Variants in YWHAE observed in about 807,000 individuals in gnomAD.
YWHAE encodes the protein 14-3-3 protein epsilon.
YWHAE carries 4 observed loss-of-function variants against 30.1 expected under a neutral mutation model. The ratio of observed to expected loss-of-function variants is 0.13; its 90% CI spans 0.07 to 0.30. YWHAE has a LOEUF of 0.30. YWHAE is among the 10% of genes least tolerant of loss of function. The probability of loss-of-function intolerance (pLI) is 1.00; values close to 1 mark genes in which losing one functional copy is unlikely to be tolerated. For missense variants in YWHAE, 121 were observed against 315.9 expected (o/e 0.38, Z 4.68); for synonymous variants, 118 against 111.8 (o/e 1.06, Z -0.35).
chr17:1,364,655 T>C (rs1408033364), intron 2 of YWHAE: 4 of 632,808 alleles, frequency 6.3e-6, no homozygotes, highest in Non-Finnish European at 1.1e-5. Flanking sequence ...CCAAACCTGA[T>C]ACAGACTATG....
intron 4 of YWHAE, among the ~76,000 whole-genome samples, chr17:1,354,964 GTTTTTTTTTTTTTTTTTTTTT>G (rs56351171): frequency 1.3e-5 from 1 of 74,716 alleles, no homozygotes; most frequent in African/African-American, 4.0e-5. Flanking sequence ...GCCCAGCCTA[GTTTTTTTTTTTTTTTTTTTTT>G]TTTTTTTTTT....
intron 1 of YWHAE, among the ~76,000 whole-genome samples, chr17:1,370,591 C>T (rs1405422049): frequency 1.3e-5 from 2 of 151,928 alleles, no homozygotes; most frequent in East Asian, 1.9e-4. Context: ...CCACCACGCC[C>T]GGCTAACTTT....
chr17:1,347,984 A>T, intron 5 of YWHAE: 1 of 1,012,098 alleles, frequency 9.9e-7, no homozygotes, highest in Non-Finnish European at 1.2e-6. Context: ...TTAGGAAAGG[A>T]AGAGTTGGGT....
intron 1 of YWHAE, among the ~76,000 whole-genome samples, chr17:1,388,789 T>C (rs1239895130): frequency 6.6e-6 from 1 of 152,192 alleles, no homozygotes; most frequent in Non-Finnish European, 1.5e-5. Flanking sequence ...AAGTATTTCA[T>C]ACTCATGAAT....
chr17:1,396,564 A>G (rs950443719), intron 1 of YWHAE, among the ~76,000 whole-genome samples: 11 of 152,298 alleles, frequency 7.2e-5, no homozygotes, highest in Admixed American at 3.9e-4. Flanking sequence ...CAAAACCAAC[A>G]ACAGCCCCAC....
chr17:1,352,314 C>T (rs1439123103), intron 5 of YWHAE: 1 of 152,228 alleles, frequency 6.6e-6, no homozygotes, highest in East Asian at 1.9e-4. Context: ...AAAGCTGAGT[C>T]ACCTAATTCT....
intron 5 of YWHAE, 86 bp from the exon 6 acceptor site, chr17:1,345,585 A>G (rs1341975401): frequency 1.4e-6 from 2 of 1,399,224 alleles, no homozygotes; most frequent in African/African-American, 1.4e-5. Context: ...TTCCAAGCAT[A>G]AAGACTCTTC....
intron 2 of YWHAE, among the ~76,000 whole-genome samples, chr17:1,362,530 A>AG (rs1175446534): frequency 1.3e-5 from 2 of 152,136 alleles, no homozygotes; most frequent in Non-Finnish European, 2.9e-5. Context: ...AACATTCACC[A>AG]GGCAATTCCT....
chr17:1,397,476 C>A (rs1032834304), intron 1 of YWHAE, among the ~76,000 whole-genome samples: 1 of 152,106 alleles, frequency 6.6e-6, no homozygotes, highest in Admixed American at 6.6e-5. Flanking sequence ...GATTCCAACG[C>A]CCCAGGATAG....
chr17:1,382,295 GC>G (rs2073224489), intron 1 of YWHAE, among the ~76,000 whole-genome samples: 1 of 149,468 alleles, frequency 6.7e-6, no homozygotes, highest in Non-Finnish European at 1.5e-5. Flanking sequence ...TGATCTGCCC[GC>G]CTCGGCCTCC....
intron 1 of YWHAE, among the ~76,000 whole-genome samples, chr17:1,392,848 C>T (rs2073409280): frequency 6.8e-6 from 1 of 148,002 alleles, no homozygotes; most frequent in African/African-American, 2.5e-5. Flanking sequence ...GAAAATCCAT[C>T]TCAAAAAAAA....
intron 4 of YWHAE, among the ~76,000 whole-genome samples, chr17:1,360,867 T>C (rs1391370505): frequency 6.6e-6 from 1 of 152,212 alleles, no homozygotes; most frequent in Non-Finnish European, 1.5e-5. Context: ...GATTTCAATC[T>C]ACCAGCAACA....
chr17:1,387,362 G>A (rs946103760), intron 1 of YWHAE, among the ~76,000 whole-genome samples: 6 of 152,154 alleles, frequency 3.9e-5, no homozygotes, highest in Admixed American at 3.3e-4. Flanking sequence ...AGAGGCTGGG[G>A]AGATCAATGA....
At chr17:1,362,094 G>A in intron 2 of YWHAE, 86 bp from the exon 3 acceptor site, 1 of 773,648 alleles carries the variant, frequency 1.3e-6, no homozygotes, top group Non-Finnish European at 1.9e-6. Context: ...TTTTGAGGTA[G>A]AGAGCTTAGT....
At chr17:1,350,693 C>T (rs540722120) in intron 5 of YWHAE, among the ~76,000 whole-genome samples, 6 of 151,860 alleles carry the variant, frequency 4.0e-5, no homozygotes, top group East Asian at 3.9e-4. Flanking sequence ...CCGTCCACTT[C>T]GGCCTCCCAA....
rs369720254 is a variant in YWHAE, at chr17:1,400,114, G to A, written c.-4C>T. On this transcript the variant is annotated 5_prime_UTR_variant, in exon 1 of 6. Coordinates refer to ENST00000264335, the MANE Select transcript of YWHAE (RefSeq NM_006761.5). ...CCAGATCCTCTCGATCATCCATAGCGGCAGCGGCTCCGGCAGGGTCTGCGC... is the reference window on the plus strand; with the variant it reads ...CCAGATCCTCTCGATCATCCATAGCAGCAGCGGCTCCGGCAGGGTCTGCGC... 12 of 1,613,926 alleles carry A rather than the reference G, an allele frequency of 7.4e-6. No homozygotes were observed. The highest frequency in any genetic ancestry group is 9.3e-6 in the Non-Finnish European group (11 of 1,180,020).
intron 1 of YWHAE, among the ~76,000 whole-genome samples, chr17:1,381,884 G>C (rs374927544): frequency 7.9e-6 from 1 of 127,386 alleles, no homozygotes; most frequent in Admixed American, 9.7e-5. Context: ...CTGTACTCCA[G>C]CCTGCACGAG....
chr17:1,393,045 A>G (rs570917227), intron 1 of YWHAE, among the ~76,000 whole-genome samples: 145 of 151,858 alleles, frequency 9.5e-4, no homozygotes, highest in African/African-American at 2.9e-3. Flanking sequence ...CTCTACTAAA[A>G]CACAAAAGAA....
At chr17:1,380,199 C>T (rs1385163917) in intron 1 of YWHAE, among the ~76,000 whole-genome samples, 2 of 151,646 alleles carry the variant, frequency 1.3e-5, no homozygotes, top group African/African-American at 2.4e-5. Context: ...CTGCAACCTC[C>T]GCCTCCCGGG....
Sources: allele counts gnomAD v4.1 joint callset (sites outside exome capture counted in the v4.1 genomes callset), GRCh38; gene constraint gnomAD v4.1.1; transcripts MANE v1.5; gene names NCBI Gene and HGNC (gene_info 2026-07-23, HGNC 2026-07-21).